Variants in IGFN1 observed in about 807,000 individuals in gnomAD.
The protein encoded by IGFN1 is immunoglobulin-like and fibronectin type III domain-containing protein 1.
Under a neutral mutation model 289.5 loss-of-function variants are expected in IGFN1, and 253 were observed. That is an observed-to-expected ratio of 0.87 (90% CI 0.79 to 0.97). The LOEUF is 0.97. Among genes scored for constraint, IGFN1 ranks in the 50% least tolerant of loss-of-function variants. IGFN1 has a pLI of 0.00. For synonymous variants in IGFN1, 1,706 were observed against 1,788.5 expected (o/e 0.95, Z 1.16); for missense variants, 4,470 against 4,686.1 (o/e 0.95, Z 1.35).
In IGFN1 at chr1:201,212,902, G is replaced by C; in HGVS notation, c.8009G>C (p.Gly2670Ala). The C allele has an allele frequency of 1.3e-6, 2 of 1,551,456 alleles. No individual in the cohort carries two copies. Among genetic ancestry groups the C allele is most frequent in the Non-Finnish European group, 1.7e-6 (2 of 1,146,972 alleles). ...GGTGGGACCCATGAAGGGCCAGGGG[G>C]CTTTAAGGGTGGGGAGGGTGCACCA... ...AFGGTHEGPG[G>A]FKGGEGAPGQ... is the part of the protein sequence containing the mutation. The change falls in exon 12 of 24, where the codon GGC becomes GCC. Residue 2670 changes from glycine (G) to alanine (A), a missense_variant. By Grantham distance (60) the Gly-to-Ala change is moderately conservative. This residue lies in a region of IGFN1 where 2,218 missense variants were observed against 2,114.1 expected (regional missense o/e 1.05). Transcript: ENST00000335211.
In IGFN1 at chr1:201,209,461, G is replaced by A. The variant is rs547002068; in HGVS notation, c.4568G>A (p.Gly1523Glu). The part of the protein sequence containing the change: ...YRGGLGSGEM[G>E]SVDKAGYRKD... ...GGTGGCTTAGGTTCTGGGGAAATGG[G>A]GTCTGTGGATAAGGCAGGCTATAGG... The change falls in exon 12 of 24, where the codon GGG becomes GAG. Residue 1523 changes from glycine to glutamate, a missense_variant. Physicochemically the swap from Gly to Glu is moderately conservative, Grantham distance 98. Around this residue, in one of 8 missense-constraint regions of IGFN1, gnomAD observed 2,011 missense variants for 1,953.4 expected, o/e 1.03. Transcript: ENST00000335211. The A allele has an allele frequency of 8.6e-5, 132 of 1,536,596 alleles. No individual in the cohort carries two copies. In the African/African-American group the frequency reaches 1.7e-3, roughly 20 times the overall value.
chr1:201,226,805 T>C (rs1233882744), intron 22 of IGFN1, 77 bp from the exon 23 acceptor site: 1 of 1,160,058 alleles, frequency 8.6e-7, no homozygotes, highest in Non-Finnish European at 1.2e-6. Flanking sequence ...CTTCATGAAC[T>C]CTTTACCCAG....
Position 201,213,321 on chromosome 1 carries a change from A to G in IGFN1, c.8428A>G (p.Arg2810Gly). 1 of 1,586,510 alleles carries G rather than the reference A, an allele frequency of 6.3e-7. No individual in the cohort carries two copies. The highest frequency in any genetic ancestry group is 8.6e-7 in the Non-Finnish European group (1 of 1,166,712). Residue 2810 changes from arginine to glycine, a missense_variant, in exon 12 of 24, where the codon AGG (arginine) becomes GGG (glycine). By Grantham distance (125) the Arg-to-Gly change is moderately radical. This residue lies in a region of IGFN1 where 2,218 missense variants were observed against 2,114.1 expected (regional missense o/e 1.05). Transcript: ENST00000335211. Reference sequence around the variant, plus strand: ...AGTGGAAGAGGCTGGGAGGTCAGGCAGGAGGCCTGGCTCACTCAGGAGCAG... The same window carrying G: ...AGTGGAAGAGGCTGGGAGGTCAGGCGGGAGGCCTGGCTCACTCAGGAGCAG... ...QGVEEAGRSGRRPGSLRSRSQ... is the reference protein window; with the variant it reads ...QGVEEAGRSGGRPGSLRSRSQ...
At chr1:201,195,790 C>T (rs1666891136) in intron 3 of IGFN1, 49 bp from the exon 4 acceptor site, 1 of 1,524,418 alleles carries the variant, frequency 6.6e-7, no homozygotes, top group Admixed American at 2.1e-5. Context: ...AGTATACAGT[C>T]ACCCTCTCCC....
rs1667931717 is a variant in IGFN1, at chr1:201,213,386, G to C, written c.8493G>C (p.Lys2831Asn). ...AQSGAEVGGG[K>N]RRGADEAGSM... ...CAGGGGCTGAGGTTGGAGGAGGAAA[G>C]AGAAGGGGAGCAGACGAGGCTGGAA... The change falls in exon 12 of 24, where the codon AAG (lysine) becomes AAC (asparagine). Residue 2831 changes from lysine (K) to asparagine (N), a missense_variant. Lys to Asn is a moderately conservative substitution (Grantham distance 94). This residue lies in a region of IGFN1 where 2,218 missense variants were observed against 2,114.1 expected (regional missense o/e 1.05). Coordinates refer to ENST00000335211, the MANE Select transcript of IGFN1 (RefSeq NM_001164586.2). 1 of 1,613,808 alleles carries C rather than the reference G, an allele frequency of 6.2e-7. No homozygotes were observed. The highest frequency in any genetic ancestry group is 2.2e-5 in the East Asian group (1 of 44,874).
intron 19 of IGFN1, 71 bp from the exon 20 acceptor site, chr1:201,222,668 T>C: frequency 1.7e-5 from 18 of 1,066,308 alleles, no homozygotes; most frequent in Non-Finnish European, 2.4e-5. Context: ...AGCCCTACCT[T>C]GCTGGGGACC....
chr1:201,200,832 C>CTT (rs71564140), intron 8 of IGFN1, among the ~76,000 whole-genome samples: 13 of 84,258 alleles, frequency 1.5e-4, no homozygotes, highest in African/African-American at 6.3e-4. Context: ...TTATTTCTTT[C>CTT]TTTTTTTTTT....
chr1:201,223,388 T>A (rs985447158), intron 20 of IGFN1, among the ~76,000 whole-genome samples: 1 of 89,272 alleles, frequency 1.1e-5, no homozygotes, highest in African/African-American at 4.8e-5. Context: ...TTATTTATTT[T>A]GAGATGGAGT....
chr1:201,196,180 C>T (rs1464946158), intron 4 of IGFN1, among the ~76,000 whole-genome samples: 1 of 152,208 alleles, frequency 6.6e-6, no homozygotes, highest in South Asian at 2.1e-4. Context: ...TGCTGATAAC[C>T]TGGGAGGTGG....
chr1:201,222,125 G>GT, intron 19 of IGFN1: 1 of 175,334 alleles, frequency 5.7e-6, no homozygotes, highest in Non-Finnish European at 1.2e-5. Context: ...GGCCTTCGAA[G>GT]GCCTAAGGGC....
chr1:201,213,068 C>T lies in IGFN1; in HGVS notation c.8175C>T (p.Leu2725=). Residue 2725 remains leucine (L), a synonymous_variant, in exon 12 of 24, where the codon CTC becomes CTT. Coordinates refer to ENST00000335211, the MANE Select transcript of IGFN1 (RefSeq NM_001164586.2). The part of the protein sequence containing the change: ...KGNSTEWGNA[L]TPKPGESGPQ... ...ATTCTACTGAGTGGGGGAATGCCCTCACCCCAAAACCTGGGGAGTCCGGAC... is the reference window on the plus strand; with the variant it reads ...ATTCTACTGAGTGGGGGAATGCCCTTACCCCAAAACCTGGGGAGTCCGGAC... 1 of 1,551,640 alleles carries T rather than the reference C, an allele frequency of 6.4e-7. No individual in the cohort carries two copies. Among genetic ancestry groups the T allele is most frequent in the East Asian group, 2.4e-5 (1 of 40,912 alleles).
In IGFN1 at chr1:201,226,995, A is replaced by T. The variant is rs1289736688; in HGVS notation, c.10900A>T (p.Ser3634Cys). The T allele has an allele frequency of 6.2e-7, 1 of 1,613,164 alleles. No individual in the cohort carries two copies. Among genetic ancestry groups the T allele is most frequent in the East Asian group, 2.2e-5 (1 of 44,894 alleles). ...GCCCCAGGGCTGCGAGTGCTGCATG[A>T]GCTGTGCCGTGCAGGGCTCGCCCCG... ...LLPQGCECCM[S>C]CAVQGSPRPH... Residue 3634 changes from serine to cysteine, a missense_variant, in exon 23 of 24, where the codon AGC becomes TGC. Ser to Cys is a moderately radical substitution (Grantham distance 112, BLOSUM62 -1). Around this residue, in one of 8 missense-constraint regions of IGFN1, gnomAD observed 2,218 missense variants for 2,114.1 expected, o/e 1.05. Transcript: ENST00000335211.
chr1:201,211,204 C>T lies in IGFN1; in HGVS notation c.6311C>T (p.Ala2104Val), dbSNP rs1667762481. The T allele has an allele frequency of 6.5e-7, 1 of 1,529,784 alleles. No homozygotes were observed. Among genetic ancestry groups the T allele is most frequent in the Middle Eastern group, 1.7e-4 (1 of 5,958 alleles). The allele number at this position is 1,529,784 out of a possible 1,614,324, so 94.8% of individuals were successfully genotyped here. A position where few individuals can be genotyped will look rare whatever the true frequency, so the allele number is the denominator to read the frequency against. ...GAAGAAATGGAGTCAATGGATGAGG[C>T]AGGTTATAGGAAGGATTTGGGGGCT... is the stretch of plus-strand genomic sequence containing the variant. ...GSEEMESMDEAGYRKDLGAPE... is the reference protein window; with the variant it reads ...GSEEMESMDEVGYRKDLGAPE... The change falls in exon 12 of 24, where the codon GCA becomes GTA. Residue 2104 changes from alanine to valine, a missense_variant. By Grantham distance (64) the Ala-to-Val change is moderately conservative (BLOSUM62 0). Coordinates refer to ENST00000335211, the MANE Select transcript of IGFN1 (RefSeq NM_001164586.2).
chr1:201,213,524 C>A lies in IGFN1; in HGVS notation c.8631C>A (p.Asp2877Glu), dbSNP rs77327584. 17 of 1,613,892 alleles carry A rather than the reference C, an allele frequency of 1.1e-5. No homozygotes were observed. The African/African-American group carries it at 2.1e-4, about 20-fold the overall frequency. The change falls in exon 12 of 24, where the codon GAC becomes GAA. Residue 2877 changes from aspartate to glutamate, a missense_variant. Asp to Glu is a conservative substitution (Grantham distance 45). Coordinates refer to ENST00000335211, the MANE Select transcript of IGFN1 (RefSeq NM_001164586.2). ...TTGGTAGCAGGAGAAGTGGCAAAGA[C>A]GGCAGGTTGGACATCTATGGAGAGA... ...GHLGSRRSGK[D>E]GRLDIYGERR...
intron 1 of IGFN1, among the ~76,000 whole-genome samples, chr1:201,192,547 C>T (rs1320289422): frequency 6.6e-6 from 1 of 152,188 alleles, no homozygotes; most frequent in Non-Finnish European, 1.5e-5. Context: ...ATTCACCTGA[C>T]ACTATAATTC....
chr1:201,214,939 G>C (rs1653113532), intron 13 of IGFN1, 74 bp from the exon 14 acceptor site: 3 of 1,495,646 alleles, frequency 2.0e-6, no homozygotes, highest in Non-Finnish European at 2.7e-6. Context: ...ATCAGTAAAG[G>C]GCTCTGGTTA....
At position 201,201,746 on chromosome 1, in the gene IGFN1, C is replaced by T; in HGVS notation, c.661C>T (p.His221Tyr). The T allele has an allele frequency of 6.5e-7, 1 of 1,547,690 alleles. No homozygotes were observed. Among genetic ancestry groups the T allele is most frequent in the Non-Finnish European group, 8.7e-7 (1 of 1,143,116 alleles). Residue 221 changes from histidine to tyrosine, a missense_variant, in exon 9 of 24, where the codon CAC becomes TAC. Physicochemically the swap from His to Tyr is moderately conservative, Grantham distance 83. Transcript: ENST00000335211. Reference sequence around the variant, plus strand: ...CATCAACACCATCTCCAGCTTAAGACACATCAGGGTCACCAAGGATGGGAA... The same window carrying T: ...CATCAACACCATCTCCAGCTTAAGATACATCAGGGTCACCAAGGATGGGAA... ...QYINTISSLRHIRVTKDGNAK... is the reference protein window; with the variant it reads ...QYINTISSLRYIRVTKDGNAK...
chr1:201,214,667 TGTCACC>T, intron 13 of IGFN1, among the ~76,000 whole-genome samples: 1 of 152,110 alleles, frequency 6.6e-6, no homozygotes. Context: ...CCATTAAAGC[TGTCACC>T]CCAAGAGACA....
In IGFN1 at chr1:201,209,495, G is replaced by T; in HGVS notation, c.4602G>T (p.Leu1534Phe). ...SVDKAGYRKD[L>F]GASEAIGSGS... is the part of the protein sequence containing the mutation. ...ATAAGGCAGGCTATAGGAAGGATTT[G>T]GGGGCTTCTGAGGCAATAGGTTCAG... The change falls in exon 12 of 24, where the codon TTG becomes TTT. Residue 1534 changes from leucine to phenylalanine, a missense_variant. Physicochemically the swap from Leu to Phe is conservative, Grantham distance 22. Transcript: ENST00000335211. 3 of 1,536,940 alleles carry T rather than the reference G, an allele frequency of 2.0e-6. No homozygotes were observed. The highest frequency in any genetic ancestry group is 2.6e-6 in the Non-Finnish European group (3 of 1,146,758).
Sources: gnomAD v4.1 joint callset for allele counts (sites outside exome capture counted in the v4.1 genomes callset) on GRCh38, gnomAD v4.1.1 for gene constraint, gnomAD v4.1.1 regional missense constraint, MANE v1.5 for transcripts, NCBI Gene and HGNC (gene_info 2026-07-23, HGNC 2026-07-21) for gene names.